Variants in RHD observed in about 807,000 individuals in gnomAD.
RHD encodes the protein blood group Rh(D) polypeptide.
In RHD, 16 loss-of-function variants were observed where a neutral mutation model predicts 45.5. The observed-to-expected ratio is 0.35, with a 90% CI of 0.24 to 0.53. RHD has a LOEUF of 0.53. RHD is among the 20% of genes least tolerant of loss of function. The pLI is 0.92. For synonymous variants in RHD, 131 were observed against 217.5 expected (o/e 0.60, Z 3.50); for missense variants, 306 against 532.0 (o/e 0.58, Z 4.18).
Position 25,306,718 on chromosome 1 carries a change from C to T in RHD, c.1062C>T (p.Ala354=), listed in dbSNP as rs778695625. The T allele has an allele frequency of 4.0e-5, 55 of 1,377,452 alleles. 17 individuals are homozygous for T. Among genetic ancestry groups the T allele is most frequent in the Middle Eastern group, 1.8e-4 (1 of 5,504 alleles). The allele number at this position is 1,377,452 out of a possible 1,614,324, so 85.3% of individuals were successfully genotyped here. A position where few individuals can be genotyped will look rare whatever the true frequency, so the allele number is the denominator to read the frequency against. Residue 354 remains alanine (A), a synonymous_variant, in exon 7 of 10, where the codon GCC becomes GCT. Transcript: ENST00000328664. ...IVLLVLDTVG[A]GNGMIGFQVL... ...TGCTGGTGCTTGATACCGTCGGAGC[C>T]GGCAATGGCATGTGGGTCACTGGGC...
intron 3 of RHD, 107 bp from the exon 4 acceptor site, chr1:25,300,839 C>A: frequency 8.2e-7 from 1 of 1,216,012 alleles, no homozygotes; most frequent in East Asian, 2.3e-5. Flanking sequence ...CTCATGGCTT[C>A]AAGTCACACC....
At chr1:25,310,973 CAA>C (rs1158185993) in intron 7 of RHD, among the ~76,000 whole-genome samples, 25 of 74,550 alleles carry the variant, frequency 3.4e-4, no homozygotes, top group Admixed American at 4.1e-4. Flanking sequence ...AACTCCATCT[CAA>C]AAAAAAAAAA....
At chr1:25,301,179 T>C in intron 4 of RHD, 86 bp downstream of exon 4, 1 of 1,187,662 alleles carries the variant, frequency 8.4e-7, no homozygotes, top group Non-Finnish European at 1.2e-6. Flanking sequence ...ATCTCCCTCC[T>C]TTACCAAGTT....
chr1:25,303,363 G>A lies in RHD; in HGVS notation c.843G>A (p.Val281=). ...HSAVLAGGVA[V]GTSCHLIPSP... ...CGGTGTTGGCAGGAGGCGTGGCTGTGGGTACCTCGTGTCACCTGATCCCTT... is the reference window on the plus strand; with the variant it reads ...CGGTGTTGGCAGGAGGCGTGGCTGTAGGTACCTCGTGTCACCTGATCCCTT... The change falls in exon 6 of 10, where the codon GTG becomes GTA. Residue 281 remains valine (V), a synonymous_variant. Coordinates refer to ENST00000328664, the MANE Select transcript of RHD (RefSeq NM_016124.6). The A allele has an allele frequency of 5.8e-6, 8 of 1,373,260 alleles. 3 individuals are homozygous for A. Among genetic ancestry groups the A allele is most frequent in the Non-Finnish European group, 8.2e-6 (8 of 973,744 alleles). 85.1% of individuals were successfully genotyped at this position (1,373,260 alleles called of 1,614,324 possible).
At chr1:25,288,261 G>C (rs1642213914) in intron 2 of RHD, among the ~76,000 whole-genome samples, 1 of 129,812 alleles carries the variant, frequency 7.7e-6, no homozygotes, top group African/African-American at 2.6e-5. Flanking sequence ...CAAGTGATCT[G>C]CCCACCTCGG....
intron 7 of RHD, among the ~76,000 whole-genome samples, chr1:25,310,187 G>A (rs1644066075): frequency 1.5e-5 from 2 of 132,892 alleles, no homozygotes; most frequent in Non-Finnish European, 3.6e-5. Context: ...ATATGTGATG[G>A]TTTGAATGTG....
intron 3 of RHD, among the ~76,000 whole-genome samples, chr1:25,297,512 T>A (rs1643052058): frequency 8.0e-6 from 1 of 125,316 alleles, no homozygotes; most frequent in Non-Finnish European, 1.9e-5. Context: ...TGTTCATTGA[T>A]TCTTCCCTGA....
chr1:25,298,980 T>C (rs2904843), intron 3 of RHD, among the ~76,000 whole-genome samples: 27,471 of 121,188 alleles, frequency 0.23, 7,422 homozygotes, highest in Admixed American at 0.3. Flanking sequence ...GCACAAGCCA[T>C]ATGGGTACCT....
chr1:25,306,646 C>T lies in RHD; in HGVS notation c.990C>T (p.Tyr330=), dbSNP rs1194297861. The T allele has an allele frequency of 3.6e-6, 5 of 1,378,618 alleles. 2 individuals carry two copies. Among genetic ancestry groups the T allele is most frequent in the East Asian group, 2.2e-5 (1 of 44,632 alleles). The allele number at this position is 1,378,618 out of a possible 1,614,324, so 85.4% of individuals were successfully genotyped here. ...TTCCCCACAGCTCCATCATGGGCTA[C>T]AACTTCAGCTTGCTGGGTCTGCTTG... ...LGIPHSSIMG[Y]NFSLLGLLGE... The change falls in exon 7 of 10, where the codon TAC becomes TAT. Residue 330 remains tyrosine, a synonymous_variant. Coordinates refer to ENST00000328664, the MANE Select transcript of RHD (RefSeq NM_016124.6).
Position 25,282,959 on chromosome 1 carries a change from A to G in RHD, c.149-1614A>G, listed in dbSNP as rs1641630563. ...AACACTAAAACTAAAAAAGTAAAACACCTCCCAAACTTAGAGACAATATTA... is the reference window on the plus strand; with the variant it reads ...AACACTAAAACTAAAAAAGTAAAACGCCTCCCAAACTTAGAGACAATATTA... On this transcript the variant is annotated intron_variant, in intron 1 of 9. Transcript: ENST00000328664. Among the ~76,000 whole-genome samples, 2 of 131,292 alleles carry G rather than the reference A, an allele frequency of 1.5e-5. 1 individual carries two copies. Among genetic ancestry groups the G allele is most frequent in the East Asian group, 3.9e-4 (2 of 5,102 alleles). 86.1% of individuals were successfully genotyped at this position (131,292 alleles called of 152,430 possible).
chr1:25,301,738 A>C, intron 5 of RHD, 52 bp downstream of exon 5: 1 of 1,243,866 alleles, frequency 8.0e-7, no homozygotes, highest in South Asian at 1.2e-5. Flanking sequence ...GGACTAGCAC[A>C]CATATTTATG....
At chr1:25,309,952 TA>T (rs1435483157) in intron 7 of RHD, among the ~76,000 whole-genome samples, 1 of 132,798 alleles carries the variant, frequency 7.5e-6, no homozygotes, top group Non-Finnish European at 1.8e-5. Flanking sequence ...GGTTTGGGTT[TA>T]TCCTCTATTC....
At chr1:25,285,132 C>CTTTTTTTT in intron 2 of RHD, among the ~76,000 whole-genome samples, 1 of 129,514 alleles carries the variant, frequency 7.7e-6, no homozygotes, top group African/African-American at 2.8e-5. Flanking sequence ...GAGAGACATT[C>CTTTTTTTT]TATTTTTTTT....
intron 1 of RHD, among the ~76,000 whole-genome samples, chr1:25,272,951 C>T (rs1414289234): frequency 7.6e-6 from 1 of 132,044 alleles, no homozygotes; most frequent in African/African-American, 2.6e-5. Flanking sequence ...CTTTGGTGTT[C>T]CTCAAATTCC....
Position 25,290,766 on chromosome 1 carries a change from G to A in RHD, c.461G>A (p.Arg154Lys), listed in dbSNP as rs755122124. ...GAGGTGACAGCTTTAGGCAACCTGA[G>A]GATGGTCATCAGTAATATCTTCAAC... ...LVEVTALGNLRMVISNIFNTD... is the reference protein window; with the variant it reads ...LVEVTALGNLKMVISNIFNTD... Residue 154 changes from arginine (R) to lysine (K), a missense_variant, in exon 3 of 10, where the codon AGG (arginine) becomes AAG (lysine). Coordinates refer to ENST00000328664, the MANE Select transcript of RHD (RefSeq NM_016124.6). 2.5e-5 allele frequency: 34 copies of A among 1,377,222 alleles called. 5 individuals are homozygous for A. The highest frequency in any genetic ancestry group is 1.5e-5 in the Non-Finnish European group (15 of 978,258). The allele number at this position is 1,377,222 out of a possible 1,614,324, so 85.3% of individuals were successfully genotyped here. A position where few individuals can be genotyped will look rare whatever the true frequency, so the allele number is the denominator to read the frequency against.
rs191729726 is a variant in RHD at position 25,314,555 on chromosome 1, G to A, written c.1074-2445G>A. Among the ~76,000 whole-genome samples, 14 of 132,556 alleles carry A rather than the reference G, an allele frequency of 1.1e-4. 2 individuals carry two copies. Among genetic ancestry groups the A allele is most frequent in the East Asian group, 5.9e-4 (3 of 5,102 alleles). 87.0% of individuals were successfully genotyped at this position (132,556 alleles called of 152,430 possible). A position where few individuals can be genotyped will look rare whatever the true frequency, so the allele number is the denominator to read the frequency against. Reference sequence around the variant, plus strand: ...GTCACCCAGGCTGGAATGCAGTGGCGCTATCTCAGCCCACTACAACCTCTG... The same window carrying A: ...GTCACCCAGGCTGGAATGCAGTGGCACTATCTCAGCCCACTACAACCTCTG... On this transcript the variant is annotated intron_variant, in intron 7 of 9. Coordinates refer to ENST00000328664, the MANE Select transcript of RHD (RefSeq NM_016124.6).
Position 25,301,560 on chromosome 1 carries a change from T to C in RHD, c.675T>C (p.Ser225=), listed in dbSNP as rs756916313. Residue 225 remains serine (S), a synonymous_variant, in exon 5 of 10, where the codon TCT becomes TCC. Coordinates refer to ENST00000328664, the MANE Select transcript of RHD (RefSeq NM_016124.6). ...FLWMFWPSFN[S]ALLRSPIERK... ...GGATGTTCTGGCCAAGTTTCAACTC[T>C]GCTCTGCTGAGAAGTCCAATCGAAA... 2.9e-6 allele frequency: 4 copies of C among 1,379,670 alleles called. No homozygotes were observed. In the East Asian group the frequency reaches 9.0e-5, roughly 31 times the overall value. 85.5% of individuals were successfully genotyped at this position (1,379,670 alleles called of 1,614,324 possible).
intron 8 of RHD, among the ~76,000 whole-genome samples, chr1:25,321,273 C>T (rs1247928111): frequency 8.0e-6 from 1 of 124,664 alleles, no homozygotes; most frequent in Non-Finnish European, 1.9e-5. Flanking sequence ...GGCCCTTTTA[C>T]TCCATCTGGG....
chr1:25,321,810 C>A, intron 8 of RHD, 79 bp from the exon 9 acceptor site: 3 of 757,976 alleles, frequency 4.0e-6, no homozygotes, highest in East Asian at 2.5e-5. Context: ...GTCGTTTTGA[C>A]ACACAATATT....
Sources: allele counts gnomAD v4.1 joint callset (sites outside exome capture counted in the v4.1 genomes callset), GRCh38; gene constraint gnomAD v4.1.1; transcripts MANE v1.5; gene names NCBI Gene and HGNC (gene_info 2026-07-23, HGNC 2026-07-21).